The following ANKRD6 variants were observed in gnomAD, a reference collection of about 807,000 sequenced individuals.
ANKRD6 encodes ankyrin repeat domain-containing protein 6.
A neutral mutation model predicts 82.3 loss-of-function variants in ANKRD6; 56 were observed. The observed-to-expected ratio is 0.68, with a 90% CI of 0.55 to 0.85. The LOEUF is 0.85. Ranked by LOEUF, ANKRD6 falls within the 40% of genes least tolerant of loss-of-function variation. ANKRD6 has a pLI of 0.00. For missense variants in ANKRD6, 852 were observed against 907.6 expected, an observed-to-expected ratio of 0.94 and a Z score of 0.79; for synonymous variants, 347 against 352.1, an observed-to-expected ratio of 0.99 and a Z score of 0.16.
intron 1 of ANKRD6, among the ~76,000 whole-genome samples, chr6:89,438,099 T>G (rs1770876300): frequency 6.6e-6 from 1 of 152,250 alleles, no homozygotes; most frequent in South Asian, 2.1e-4. Flanking sequence ...CCTCAATAGT[T>G]GCATTTATCT....
chr6:89,487,120 T>C (rs770042386), intron 1 of ANKRD6, among the ~76,000 whole-genome samples: 1 of 152,240 alleles, frequency 6.6e-6, no homozygotes, highest in Non-Finnish European at 1.5e-5. Context: ...AATTATTGAA[T>C]GGCTTTGTGC....
At chr6:89,562,562 G>A (rs1404646346) in intron 1 of ANKRD6, 3 of 152,214 alleles carry the variant, frequency 2.0e-5, no homozygotes. Flanking sequence ...ATTGTTCCCT[G>A]ACTTCAATCG....
chr6:89,460,802 C>T (rs559888225), intron 1 of ANKRD6, among the ~76,000 whole-genome samples: 5 of 151,878 alleles, frequency 3.3e-5, no homozygotes, highest in East Asian at 1.9e-4. Flanking sequence ...AGGATCATTT[C>T]AGAATGAGAG....
chr6:89,601,634 A>G (rs189338852), intron 3 of ANKRD6: 2 of 152,318 alleles, frequency 1.3e-5, no homozygotes, highest in East Asian at 3.9e-4. Flanking sequence ...TTATTGTAAT[A>G]AAATATACAT....
intron 1 of ANKRD6, among the ~76,000 whole-genome samples, chr6:89,445,843 G>A (rs1330480667): frequency 6.6e-6 from 1 of 151,782 alleles, no homozygotes; most frequent in Non-Finnish European, 1.5e-5. Context: ...GCCTCCCAAA[G>A]TGCTAGGTAC....
intron 1 of ANKRD6, among the ~76,000 whole-genome samples, chr6:89,463,698 G>A (rs1212948543): frequency 6.6e-6 from 1 of 151,954 alleles, no homozygotes; most frequent in Non-Finnish European, 1.5e-5. Context: ...ACAGGTGCCC[G>A]CCACCATGCC....
At chr6:89,471,783 G>A (rs1775504476) in intron 1 of ANKRD6, among the ~76,000 whole-genome samples, 1 of 151,642 alleles carries the variant, frequency 6.6e-6, no homozygotes, top group Non-Finnish European at 1.5e-5. Flanking sequence ...AATTGTAGTG[G>A]GGTGGCCGAA....
At chr6:89,596,453 CTTAATTTCT>C (rs1795931782) in intron 3 of ANKRD6, among the ~76,000 whole-genome samples, 1 of 152,114 alleles carries the variant, frequency 6.6e-6, no homozygotes, top group Admixed American at 6.5e-5. Flanking sequence ...TTTTTCTCAT[CTTAATTTCT>C]CTTGGTCAGT....
chr6:89,513,357 A>G (rs896766315), intron 1 of ANKRD6, among the ~76,000 whole-genome samples: 8 of 152,352 alleles, frequency 5.3e-5, no homozygotes, highest in African/African-American at 1.2e-4. Context: ...CCAAATTTCC[A>G]GTATCCCCCC....
intron 1 of ANKRD6, among the ~76,000 whole-genome samples, chr6:89,481,574 C>A (rs1287360202): frequency 6.6e-6 from 1 of 152,200 alleles, no homozygotes; most frequent in Non-Finnish European, 1.5e-5. Context: ...ATGTGTAACA[C>A]ATGTCATGTG....
At position 89,549,981 on chromosome 6, in the gene ANKRD6, A is replaced by G. The variant is rs148250495; in HGVS notation, c.-143-16853A>G. 7.2e-5 allele frequency among the ~76,000 whole-genome samples: 11 copies of G among 152,290 alleles called. No individual in the cohort carries two copies. In the East Asian group the frequency reaches 2.1e-3, roughly 29 times the overall value. On this transcript the variant is annotated intron_variant, in intron 1 of 15. Transcript: ENST00000339746. ...CTTGGTGGCAGGCCACTGTAGACCT[A>G]GCTACTCAGGAGGCTGAGGCAGGAG...
intron 7 of ANKRD6, among the ~76,000 whole-genome samples, chr6:89,615,484 A>G (rs972122820): frequency 1.3e-5 from 2 of 152,172 alleles, no homozygotes; most frequent in Non-Finnish European, 2.9e-5. Context: ...TGAGAGCTTT[A>G]AAAAGTCCCC....
At chr6:89,449,457 C>T (rs1772535473) in intron 1 of ANKRD6, among the ~76,000 whole-genome samples, 1 of 152,192 alleles carries the variant, frequency 6.6e-6, no homozygotes, top group African/African-American at 2.4e-5. Flanking sequence ...CAGATGAAAT[C>T]ACTTTTTGTC....
In ANKRD6 at chr6:89,444,514, A is replaced by G. The variant is rs564484091; in HGVS notation, c.-144+11139A>G. ...TTGTTACCTTGCTGAAATAAAATCT[A>G]AAAGTTGCATTGGGTATAAGCCAGG... On this transcript the variant is annotated intron_variant, in intron 1 of 15. Coordinates refer to ENST00000339746, the MANE Select transcript of ANKRD6 (RefSeq NM_001242809.2). Among the ~76,000 whole-genome samples, 15 of 152,354 alleles carry G rather than the reference A, an allele frequency of 9.8e-5. No homozygotes were observed. The East Asian group carries it at 2.3e-3, about 23-fold the overall frequency.
chr6:89,612,640 C>G (rs1248469818), intron 6 of ANKRD6, among the ~76,000 whole-genome samples: 1 of 152,212 alleles, frequency 6.6e-6, no homozygotes, highest in Non-Finnish European at 1.5e-5. Context: ...CAGTACGTGT[C>G]TGGCCAATTA....
intron 1 of ANKRD6, among the ~76,000 whole-genome samples, chr6:89,545,901 T>C (rs1785024946): frequency 6.6e-6 from 1 of 152,128 alleles, no homozygotes; most frequent in Admixed American, 6.5e-5. Context: ...TCCTCTCGGG[T>C]TCACATCATT....
chr6:89,612,929 T>G (rs1800586417), intron 6 of ANKRD6, among the ~76,000 whole-genome samples: 1 of 152,196 alleles, frequency 6.6e-6, no homozygotes, highest in Non-Finnish European at 1.5e-5. Context: ...AATAAATAAA[T>G]CTGAGGCTTC....
chr6:89,517,431 T>C (rs987528614), intron 1 of ANKRD6, among the ~76,000 whole-genome samples: 1 of 152,226 alleles, frequency 6.6e-6, no homozygotes, highest in Non-Finnish European at 1.5e-5. Context: ...TTGGCCTCTT[T>C]TATTGGAATA....
chr6:89,610,385 A>AACT (rs1799920522), intron 5 of ANKRD6, among the ~76,000 whole-genome samples: 6 of 152,140 alleles, frequency 3.9e-5, no homozygotes, highest in Admixed American at 3.9e-4. Flanking sequence ...TAAACTTAGC[A>AACT]TAATGTTTTT....
Sources: gnomAD v4.1 joint callset for allele counts (sites outside exome capture counted in the v4.1 genomes callset) on GRCh38, gnomAD v4.1.1 for gene constraint, MANE v1.5 for transcripts, NCBI Gene and HGNC (gene_info 2026-07-23, HGNC 2026-07-21) for gene names.